The following ATP8B3 variants were observed in gnomAD, a reference collection of about 807,000 sequenced individuals.
ATP8B3 encodes phospholipid-transporting ATPase IK.
In ATP8B3, 141 loss-of-function variants were observed where a neutral mutation model predicts 140.9. The observed-to-expected ratio is 1.00, with a 90% CI of 0.87 to 1.15. The LOEUF is 1.15. Among genes scored for constraint, ATP8B3 ranks in the 50% most tolerant of loss-of-function variants. The pLI, the probability that ATP8B3 is intolerant of heterozygous loss-of-function variation, is 0.00. For missense variants in ATP8B3, 1,874 were observed against 1,740.6 expected (o/e 1.08, Z -1.36); for synonymous variants, 765 against 714.6 (o/e 1.07, Z -1.13).
chr19:1,810,657 T>C lies in ATP8B3; in HGVS notation c.275A>G (p.Gln92Arg). The C allele has an allele frequency of 6.2e-7, 1 of 1,613,030 alleles. No homozygotes were observed. The highest frequency in any genetic ancestry group is 8.5e-7 in the Non-Finnish European group (1 of 1,179,664). ...GTCCTCATCTTGGAGATCTTCTCTC[T>C]GGCCGAGGCTGCCCATGCTGGTGGG... ...EGPTSMGSLG[Q>R]REDLQDEDRN... is the part of the protein sequence containing the mutation. The change falls in exon 3 of 29, where the codon CAG (glutamine) becomes CGG (arginine). Residue 92 changes from glutamine (Q) to arginine (R), a missense_variant. Around this residue, in one of 3 missense-constraint regions of ATP8B3, gnomAD observed 1,032 missense variants for 963.6 expected, o/e 1.07. Transcript: ENST00000310127.
In ATP8B3 at chr19:1,806,267, C is replaced by T; in HGVS notation, c.678-98G>A. ...CGGGATGACGGGGGGCCCGCAGCTGCAGTCCCCACCTCCGGGCCTTTGCCC... is the reference window on the plus strand; with the variant it reads ...CGGGATGACGGGGGGCCCGCAGCTGTAGTCCCCACCTCCGGGCCTTTGCCC... On this transcript the variant is annotated intron_variant, in intron 7 of 28. Transcript: ENST00000310127. This position sits in a 1 kb window ranked among gnomAD's most constrained non-coding sequence, Gnocchi z 5.6. 1 of 1,521,558 alleles carries T rather than the reference C, an allele frequency of 6.6e-7. No homozygotes were observed. The highest frequency in any genetic ancestry group is 8.8e-7 in the Non-Finnish European group (1 of 1,138,202). The allele number at this position is 1,521,558 out of a possible 1,614,324, so 94.3% of individuals were successfully genotyped here. A position where few individuals can be genotyped will look rare whatever the true frequency, so the allele number is the denominator to read the frequency against.
chr19:1,800,810 A>G lies in ATP8B3; in HGVS notation c.1153-361T>C, dbSNP rs1273364858. 6.7e-6 allele frequency among the ~76,000 whole-genome samples: 1 copy of G among 149,658 alleles called. No homozygotes were observed. The highest frequency in any genetic ancestry group is 2.0e-4 in the East Asian group (1 of 4,964). On this transcript the variant is annotated intron_variant, in intron 12 of 28. Transcript: ENST00000310127. This position sits in a 1 kb window ranked among gnomAD's most constrained non-coding sequence, Gnocchi z 4.4. ...TCCATCCTGGGCAATAGAGTGAGAT[A>G]GAAAAACTTTTTTTTTTTTAATTTT...
chr19:1,811,405 C>T, intron 2 of ATP8B3, 84 bp downstream of exon 2: 1 of 1,498,710 alleles, frequency 6.7e-7, no homozygotes, highest in Non-Finnish European at 8.9e-7. Flanking sequence ...AGCAACTGGC[C>T]CCCCACCTGC....
Position 1,805,308 on chromosome 19 carries a change from C to T in ATP8B3, c.904+66G>A. The T allele has an allele frequency of 6.9e-7, 1 of 1,455,070 alleles. No individual in the cohort carries two copies. The highest frequency in any genetic ancestry group is 9.4e-7 in the Non-Finnish European group (1 of 1,059,616). The allele number at this position is 1,455,070 out of a possible 1,614,324, so 90.1% of individuals were successfully genotyped here. A position where few individuals can be genotyped will look rare whatever the true frequency, so the allele number is the denominator to read the frequency against. On this transcript the variant is annotated intron_variant, in intron 10 of 28. Transcript: ENST00000310127. This position sits in a 1 kb window ranked among gnomAD's most constrained non-coding sequence, Gnocchi z 5.2. ...GTTTTAAAAACAGTAATAACAACAA[C>T]AAAATACCCTAACTTTTAACTTTTA...
Position 1,805,084 on chromosome 19 carries a change from TC to T in ATP8B3, c.904+289del. The stretch of plus-strand genomic sequence containing the variant: ...CAGCCTCCCTGAGCTCAAGCGAGCC[TC>T]CCACCTCAGCCTCCCAAGTAGCTGG... On this transcript the variant is annotated intron_variant, in intron 10 of 28. Coordinates refer to ENST00000310127, the MANE Select transcript of ATP8B3 (RefSeq NM_138813.4). This position sits in a 1 kb window ranked among gnomAD's most constrained non-coding sequence, Gnocchi z 5.2. The T allele has an allele frequency of 2.4e-6, 1 of 422,564 alleles. No individual in the cohort carries two copies. The highest frequency in any genetic ancestry group is 2.1e-5 in the South Asian group (1 of 48,432). The allele number at this position is 422,564 out of a possible 1,614,324, so 26.2% of individuals were successfully genotyped here. A position where few individuals can be genotyped will look rare whatever the true frequency, so the allele number is the denominator to read the frequency against.
In ATP8B3 at chr19:1,805,916, A is replaced by G. The variant is rs1234135758; in HGVS notation, c.793T>C (p.Cys265Arg). Residue 265 changes from cysteine to arginine, a missense_variant, in exon 9 of 29, where the codon TGC becomes CGC. By Grantham distance (180) the Cys-to-Arg change is radical (BLOSUM62 -3). Transcript: ENST00000310127. The surrounding 1 kb of genome is among the most constrained non-coding windows in gnomAD (Gnocchi z 5.2). Reference sequence around the variant, plus strand: ...TCAATGTCCACCGTCTCCACATAGCACAGGCTGCTGGGCTCCGTGCTGGCC... The same window carrying G: ...TCAATGTCCACCGTCTCCACATAGCGCAGGCTGCTGGGCTCCGTGCTGGCC... ...LLASTEPSSL[C>R]YVETVDIDGE... 5 of 1,612,738 alleles carry G rather than the reference A, an allele frequency of 3.1e-6. No homozygotes were observed. Among genetic ancestry groups the G allele is most frequent in the Non-Finnish European group, 3.4e-6 (4 of 1,179,826 alleles).
rs2069038377 is a variant in ATP8B3, at chr19:1,806,839, C to T, written c.616-150G>A. On this transcript the variant is annotated intron_variant, in intron 6 of 28. Transcript: ENST00000310127. This position sits in a 1 kb window ranked among gnomAD's most constrained non-coding sequence, Gnocchi z 5.6. Reference sequence around the variant, plus strand: ...CCACGTTGCGTCTGCTCAGGGATCCCGGACGTGGGGGCCACTGGACCCACT... The same window carrying T: ...CCACGTTGCGTCTGCTCAGGGATCCTGGACGTGGGGGCCACTGGACCCACT... The T allele has an allele frequency of 1.8e-5, 17 of 926,804 alleles. No individual in the cohort carries two copies. The highest frequency in any genetic ancestry group is 2.2e-5 in the Admixed American group (1 of 45,204). The allele number at this position is 926,804 out of a possible 1,614,324, so 57.4% of individuals were successfully genotyped here. A position where few individuals can be genotyped will look rare whatever the true frequency, so the allele number is the denominator to read the frequency against.
intron 3 of ATP8B3, among the ~76,000 whole-genome samples, chr19:1,810,241 T>C (rs576347964): frequency 6.6e-6 from 1 of 152,246 alleles, no homozygotes; most frequent in Admixed American, 6.5e-5. Context: ...CCCCAGCCCG[T>C]CTCAGCCTCA....
In ATP8B3 at chr19:1,794,051, G is replaced by C. The variant is rs111824374; in HGVS notation, c.2055+1824C>G. On this transcript the variant is annotated intron_variant, in intron 18 of 28. Transcript: ENST00000310127. This position sits in a 1 kb window ranked among gnomAD's most constrained non-coding sequence, Gnocchi z 4.8. ...GCGCCAGCCTGTTTATTAAGAGACAGGGGTCTCGCCCTGTCGCCCAGGCTG... is the reference window on the plus strand; with the variant it reads ...GCGCCAGCCTGTTTATTAAGAGACACGGGTCTCGCCCTGTCGCCCAGGCTG... Among the ~76,000 whole-genome samples the C allele has an allele frequency of 1.9e-3, 285 of 152,146 alleles. No individual in the cohort carries two copies. The highest frequency in any genetic ancestry group is 6.5e-3 in the African/African-American group (268 of 41,504).
Position 1,796,175 on chromosome 19 carries a change from T to C in ATP8B3, c.1844A>G (p.Gln615Arg). The change falls in exon 17 of 29, where the codon CAG (glutamine) becomes CGG (arginine). Residue 615 changes from glutamine to arginine, a missense_variant. Coordinates refer to ENST00000310127, the MANE Select transcript of ATP8B3 (RefSeq NM_138813.4). ...NFGYVFLSRT[Q>R]DTVTIMELGE... ...CAGCTCCATGATCGTGACGGTGTCC[T>C]GGGTGCGGGACAGGAACACGTAGCC... 1.9e-6 allele frequency: 3 copies of C among 1,612,878 alleles called. No homozygotes were observed. The highest frequency in any genetic ancestry group is 1.7e-6 in the Non-Finnish European group (2 of 1,179,850).
Position 1,800,249 on chromosome 19 carries a change from G to A in ATP8B3, c.1343+10C>T, listed in dbSNP as rs759540123. ...CGTTTGCACCGGGGACGCAGCCGGC[G>A]GAGACTCACAGGATGAACATGGACA... On this transcript the variant is annotated intron_variant, in intron 13 of 28. Transcript: ENST00000310127. The surrounding 1 kb of genome is among the most constrained non-coding windows in gnomAD (Gnocchi z 4.4). The A allele has an allele frequency of 7.8e-5, 125 of 1,609,464 alleles. No individual in the cohort carries two copies. Among genetic ancestry groups the A allele is most frequent in the Non-Finnish European group, 9.8e-5 (116 of 1,177,956 alleles).
chr19:1,789,827 C>T, intron 22 of ATP8B3, 63 bp downstream of exon 22: 2 of 1,593,242 alleles, frequency 1.3e-6, no homozygotes, highest in South Asian at 2.2e-5. Context: ...ACCCCGAGCC[C>T]GCCGCCCCTC....
chr19:1,789,970 AG>A lies in ATP8B3; in HGVS notation c.2397del (p.Trp800GlyfsTer8). 1.2e-6 allele frequency: 2 copies of A among 1,611,550 alleles called. No individual in the cohort carries two copies. The highest frequency in any genetic ancestry group is 1.7e-6 in the Non-Finnish European group (2 of 1,179,236). ...GTTAGAAGGTTGTTACTGTTTTCCC[AG>A]TAGGTCTCCAGGATGCGGCTGCGGG... is the stretch of plus-strand genomic sequence containing the variant. ...EKEISRILETYWENSNNLLTR... is the reference protein window; with the variant it reads ...EKEISRILETXWENSNNLLTR... On this transcript the variant is annotated frameshift_variant, in exon 22 of 29. Transcript: ENST00000310127. LOFTEE classifies it high-confidence loss of function.
chr19:1,805,431 C>T lies in ATP8B3; in HGVS notation c.847G>A (p.Ala283Thr). 6.4e-7 allele frequency: 1 copy of T among 1,565,210 alleles called. No individual in the cohort carries two copies. The highest frequency in any genetic ancestry group is 8.7e-7 in the Non-Finnish European group (1 of 1,152,906). The change falls in exon 10 of 29, where the codon GCC becomes ACC. Residue 283 changes from alanine to threonine, a missense_variant. This residue lies in a region of ATP8B3 where 1,032 missense variants were observed against 963.6 expected (regional missense o/e 1.07). Coordinates refer to ENST00000310127, the MANE Select transcript of ATP8B3 (RefSeq NM_138813.4). This position sits in a 1 kb window ranked among gnomAD's most constrained non-coding sequence, Gnocchi z 5.2. ...AGTTCTTTGTGGGTGACCATCAGGG[C>T]CTGTCTGAACTTCAAGTTGGTCTCC... The part of the protein sequence containing the change: ...DGETNLKFRQ[A>T]LMVTHKELAT...
At chr19:1,791,924 G>GCA in intron 19 of ATP8B3, 63 bp from the exon 20 acceptor site, 1 of 1,597,196 alleles carries the variant, frequency 6.3e-7, no homozygotes, top group South Asian at 1.1e-5. Flanking sequence ...CCTGGCGGGG[G>GCA]CAGGAGAGTC....
At position 1,806,160 on chromosome 19, in the gene ATP8B3, C is replaced by T. The variant is rs1473832205; in HGVS notation, c.687G>A (p.Gln229=). Residue 229 remains glutamine (Q), a synonymous_variant, in exon 8 of 29, where the codon CAG becomes CAA. Coordinates refer to ENST00000310127, the MANE Select transcript of ATP8B3 (RefSeq NM_138813.4). The surrounding 1 kb of genome is among the most constrained non-coding windows in gnomAD (Gnocchi z 5.6). ...CQILMGKSFK[Q]KKWQDLCVGD... is the part of the protein sequence containing the mutation. Reference sequence around the variant, plus strand: ...CCACGCACAGATCCTGCCATTTCTTCTGCTTGAAGCTGCGGGGAGAGGGGG... The same window carrying T: ...CCACGCACAGATCCTGCCATTTCTTTTGCTTGAAGCTGCGGGGAGAGGGGG... 3 of 1,592,978 alleles carry T rather than the reference C, an allele frequency of 1.9e-6. No homozygotes were observed. Among genetic ancestry groups the T allele is most frequent in the East Asian group, 4.6e-5 (2 of 43,742 alleles).
chr19:1,791,256 G>C (rs1444992407), intron 20 of ATP8B3, among the ~76,000 whole-genome samples: 1 of 151,980 alleles, frequency 6.6e-6, no homozygotes, highest in South Asian at 2.1e-4. Context: ...TGTCACCCAG[G>C]CTGGAGGGCA....
chr19:1,788,869 C>T (rs1285809738), intron 24 of ATP8B3, 28 bp downstream of exon 24: 1 of 1,552,400 alleles, frequency 6.4e-7, no homozygotes, highest in Non-Finnish European at 8.7e-7. Flanking sequence ...AGGCCCTGGT[C>T]ATGGGGCAGC....
At chr19:1,788,499 AATT>A (rs2068376621) in intron 24 of ATP8B3, among the ~76,000 whole-genome samples, 1 of 152,046 alleles carries the variant, frequency 6.6e-6, no homozygotes, top group Admixed American at 6.5e-5. Flanking sequence ...AAAATACAAA[AATT>A]AGCCAGGCGT....
Sources: allele counts gnomAD v4.1 joint callset (sites outside exome capture counted in the v4.1 genomes callset), GRCh38; gene constraint gnomAD v4.1.1; regional missense constraint gnomAD v4.1.1; non-coding constraint Gnocchi (gnomAD v3.1); transcripts MANE v1.5; gene names NCBI Gene and HGNC (gene_info 2026-07-23, HGNC 2026-07-21).